Variants in OR8G1 observed in about 807,000 individuals in gnomAD.
The protein encoded by OR8G1 is olfactory receptor 8G1.
For synonymous variants in OR8G1, 129 were observed against 133.3 expected (o/e 0.97, Z 0.22); for missense variants, 372 against 356.2 (o/e 1.04, Z -0.36).
chr11:124,245,540 G>A (rs1260536043), intron 1 of OR8G1, among the ~76,000 whole-genome samples: 1 of 135,980 alleles, frequency 7.4e-6, no homozygotes, highest in Admixed American at 7.2e-5. Flanking sequence ...GTAATGGGAT[G>A]GCTGGGTCAA....
At chr11:124,247,383 AAAG>A (rs1565315808) in intron 1 of OR8G1, among the ~76,000 whole-genome samples, 1 of 151,894 alleles carries the variant, frequency 6.6e-6, no homozygotes, top group African/African-American at 2.4e-5. Context: ...AATTACCAAA[AAAG>A]AAGAAGAATA....
At chr11:124,246,550 A>G (rs971861374) in intron 1 of OR8G1, among the ~76,000 whole-genome samples, 1 of 151,878 alleles carries the variant, frequency 6.6e-6, no homozygotes, top group Non-Finnish European at 1.5e-5. Flanking sequence ...GAAGAAGTAT[A>G]AAAATCAGAA....
rs1861891084 is a variant in OR8G1, at chr11:124,254,297, C to G, written c.*3686C>G. On this transcript the variant is annotated 3_prime_UTR_variant, in exon 3 of 3. Transcript: ENST00000641972. ...ATTTGATGATTTGTAATTTTGAACACTTTTTCATATACCTGTTGACCATTT... is the reference window on the plus strand; with the variant it reads ...ATTTGATGATTTGTAATTTTGAACAGTTTTTCATATACCTGTTGACCATTT... The G allele has an allele frequency of 6.6e-6, 1 of 152,082 alleles. No individual in the cohort carries two copies. Among genetic ancestry groups the G allele is most frequent in the Non-Finnish European group, 1.5e-5 (1 of 67,988 alleles). The allele number at this position is 152,082 out of a possible 1,614,324, so 9.4% of individuals were successfully genotyped here. A position where few individuals can be genotyped will look rare whatever the true frequency, so the allele number is the denominator to read the frequency against.
rs1861856690 is a variant in OR8G1, at chr11:124,250,325, CT to C, written c.652del (p.Tyr218ThrfsTer32). Reference sequence around the variant, plus strand: ...GTCCCCAGCCTGACCATCCTTTGCTCTTACATCTTTATTATTGCCAGCATCC... The same window carrying C: ...GTCCCCAGCCTGACCATCCTTTGCTCTACATCTTTATTATTGCCAGCATCC... ...ILVPSLTILC[S>X]YIFIIASILH... On this transcript the variant is annotated frameshift_variant, in exon 3 of 3. Coordinates refer to ENST00000641972, the MANE Select transcript of OR8G1 (RefSeq NM_001002905.2). LOFTEE classifies it low-confidence loss of function (END_TRUNC). 1.2e-6 allele frequency: 2 copies of C among 1,613,764 alleles called. No individual in the cohort carries two copies. Among genetic ancestry groups the C allele is most frequent in the Non-Finnish European group, 8.5e-7 (1 of 1,179,800 alleles).
chr11:124,248,138 T>C (rs1301781001), intron 2 of OR8G1, among the ~76,000 whole-genome samples: 1 of 152,030 alleles, frequency 6.6e-6, no homozygotes, highest in East Asian at 1.9e-4. Flanking sequence ...TTTCATATAC[T>C]TAAGGACTAT....
At position 124,252,077 on chromosome 11, in the gene OR8G1, T is replaced by C. The variant is rs1273108012; in HGVS notation, c.*1466T>C. The stretch of plus-strand genomic sequence containing the variant: ...AACTATAGTTTGTCCATCCTTTTAG[T>C]TGAAGGGAGTGTAGGTGAATGAGCC... On this transcript the variant is annotated 3_prime_UTR_variant, in exon 3 of 3. Coordinates refer to ENST00000641972, the MANE Select transcript of OR8G1 (RefSeq NM_001002905.2). 2.6e-5 allele frequency: 4 copies of C among 152,122 alleles called. No individual in the cohort carries two copies. The highest frequency in any genetic ancestry group is 9.7e-5 in the African/African-American group (4 of 41,436). The allele number at this position is 152,122 out of a possible 1,614,324, so 9.4% of individuals were successfully genotyped here.
intron 1 of OR8G1, among the ~76,000 whole-genome samples, chr11:124,244,845 A>G (rs1415674849): frequency 1.3e-5 from 2 of 151,902 alleles, no homozygotes; most frequent in Non-Finnish European, 2.9e-5. Context: ...TGATCCCTTC[A>G]GTGCTTTGTT....
intron 1 of OR8G1, among the ~76,000 whole-genome samples, chr11:124,246,962 A>G (rs1030411268): frequency 1.3e-5 from 2 of 151,392 alleles, no homozygotes; most frequent in Non-Finnish European, 3.0e-5. Context: ...ATTATAAAAT[A>G]TTTTAAACTT....
Position 124,241,258 on chromosome 11 carries a change from A to T in OR8G1, c.-203A>T, listed in dbSNP as rs964920255. The T allele has an allele frequency of 1.3e-5, 2 of 152,128 alleles. No homozygotes were observed. The highest frequency in any genetic ancestry group is 2.9e-5 in the Non-Finnish European group (2 of 68,014). The allele number at this position is 152,128 out of a possible 1,614,324, so 9.4% of individuals were successfully genotyped here. ...TGGGTGTCTATGACTCTCAACACCAACATTAATGCCATGTCAGGAAGAGAA... is the reference window on the plus strand; with the variant it reads ...TGGGTGTCTATGACTCTCAACACCATCATTAATGCCATGTCAGGAAGAGAA... On this transcript the variant is annotated 5_prime_UTR_variant, in exon 1 of 3. Coordinates refer to ENST00000641972, the MANE Select transcript of OR8G1 (RefSeq NM_001002905.2).
In OR8G1 at chr11:124,248,304, T is replaced by C. The variant is rs909956213; in HGVS notation, c.-17+424T>C. ...TAGAATTGCCTTCTCATTTTCTTAA[T>C]ACTATCTTTTGAAGAACAGCTTTTA... On this transcript the variant is annotated intron_variant, in intron 2 of 2. Coordinates refer to ENST00000641972, the MANE Select transcript of OR8G1 (RefSeq NM_001002905.2). Among the ~76,000 whole-genome samples, 15 of 152,088 alleles carry C rather than the reference T, an allele frequency of 9.9e-5. 1 individual carries two copies. Among genetic ancestry groups the C allele is most frequent in the South Asian group, 2.1e-4 (1 of 4,832 alleles).
rs770796921 is a variant in OR8G1 at position 124,252,676 on chromosome 11, C to G, written c.*2065C>G. ...CATGCCACATTCTTTCAGACTACCT[C>G]CTGTTTCTCATTTCAGCAGACTTGA... On this transcript the variant is annotated 3_prime_UTR_variant, in exon 3 of 3. Coordinates refer to ENST00000641972, the MANE Select transcript of OR8G1 (RefSeq NM_001002905.2). The G allele has an allele frequency of 1.3e-5, 2 of 152,170 alleles. No individual in the cohort carries two copies. Among genetic ancestry groups the G allele is most frequent in the Non-Finnish European group, 2.9e-5 (2 of 68,038 alleles). 9.4% of individuals were successfully genotyped at this position (152,170 alleles called of 1,614,324 possible). A position where few individuals can be genotyped will look rare whatever the true frequency, so the allele number is the denominator to read the frequency against.
In OR8G1 at chr11:124,253,383, T is replaced by C. The variant is rs774220851; in HGVS notation, c.*2772T>C. 6 of 152,078 alleles carry C rather than the reference T, an allele frequency of 3.9e-5. No homozygotes were observed. Among genetic ancestry groups the C allele is most frequent in the Non-Finnish European group, 7.3e-5 (5 of 68,038 alleles). 9.4% of individuals were successfully genotyped at this position (152,078 alleles called of 1,614,324 possible). A position where few individuals can be genotyped will look rare whatever the true frequency, so the allele number is the denominator to read the frequency against. On this transcript the variant is annotated 3_prime_UTR_variant, in exon 3 of 3. Transcript: ENST00000641972. ...CTGCAGTGAGCCTTGATTGTGCCAC[T>C]GTACGTCAGCCTGGGCGACAGAGAG...
At position 124,253,453 on chromosome 11, in the gene OR8G1, A is replaced by G. The variant is rs776833784; in HGVS notation, c.*2842A>G. ...CACCACCACCAATGAACAAACAAACAAAAACTTTGACAACTTTTAATGGTC... is the reference window on the plus strand; with the variant it reads ...CACCACCACCAATGAACAAACAAACGAAAACTTTGACAACTTTTAATGGTC... On this transcript the variant is annotated 3_prime_UTR_variant, in exon 3 of 3. Transcript: ENST00000641972. The G allele has an allele frequency of 6.6e-6, 1 of 152,114 alleles. No homozygotes were observed. The highest frequency in any genetic ancestry group is 1.5e-5 in the Non-Finnish European group (1 of 68,018). The allele number at this position is 152,114 out of a possible 1,614,324, so 9.4% of individuals were successfully genotyped here.
intron 1 of OR8G1, among the ~76,000 whole-genome samples, chr11:124,241,920 C>G (rs1841861589): frequency 6.6e-6 from 1 of 152,020 alleles, no homozygotes; most frequent in South Asian, 2.1e-4. Context: ...GTAATTAAGG[C>G]AACCTGTTCA....
chr11:124,245,281 T>C (rs1218039462), intron 1 of OR8G1, among the ~76,000 whole-genome samples: 29 of 143,996 alleles, frequency 2.0e-4, no homozygotes, highest in Admixed American at 4.9e-4. Flanking sequence ...TTTTTGTTCT[T>C]GCGATAGTTT....
chr11:124,244,444 T>C (rs1443621059), intron 1 of OR8G1, among the ~76,000 whole-genome samples: 1 of 151,962 alleles, frequency 6.6e-6, no homozygotes, highest in Non-Finnish European at 1.5e-5. Flanking sequence ...CATCTGGCTG[T>C]AAAGCAACAG....
chr11:124,249,237 T>G (rs778036862), intron 2 of OR8G1, among the ~76,000 whole-genome samples: 1 of 152,152 alleles, frequency 6.6e-6, no homozygotes, highest in Non-Finnish European at 1.5e-5. Context: ...TGGAAAAATC[T>G]GACAGTAATA....
chr11:124,247,379 C>G (rs1210444179), intron 1 of OR8G1, among the ~76,000 whole-genome samples: 2 of 151,440 alleles, frequency 1.3e-5, no homozygotes, highest in Non-Finnish European at 3.0e-5. Flanking sequence ...AAACAATTAC[C>G]AAAAAAGAAG....
rs1565316811 is a variant in OR8G1, at chr11:124,250,425, C to CT, written c.756dup (p.Gly253TrpfsTer39). 4 of 1,613,768 alleles carry CT rather than the reference C, an allele frequency of 2.5e-6. No homozygotes were observed. Among genetic ancestry groups the CT allele is most frequent in the Admixed American group, 3.3e-5 (2 of 59,950 alleles). ...GCTCCCACATGTTGGCGGTTGTAAT[C>CT]TTTTTTGGATCTGCAGCATTCATGT... On this transcript the variant is annotated frameshift_variant, in exon 3 of 3. Coordinates refer to ENST00000641972, the MANE Select transcript of OR8G1 (RefSeq NM_001002905.2). LOFTEE classifies it low-confidence loss of function (END_TRUNC).
Sources: allele counts gnomAD v4.1 joint callset (sites outside exome capture counted in the v4.1 genomes callset), GRCh38; gene constraint gnomAD v4.1.1; transcripts MANE v1.5; gene names NCBI Gene and HGNC (gene_info 2026-07-23, HGNC 2026-07-21).